EPYC: variants seen among roughly 807,000 people sequenced by gnomAD.
EPYC encodes epiphycan.
A neutral mutation model predicts 30.1 loss-of-function variants in EPYC; 28 were observed. The ratio of observed to expected loss-of-function variants is 0.93; its 90% confidence interval spans 0.69 to 1.28. EPYC has a LOEUF of 1.28. Among genes scored for constraint, EPYC ranks in the 50% most tolerant of loss-of-function variants. The pLI, the probability that EPYC is intolerant of heterozygous loss-of-function variation, is 0.00. For synonymous variants in EPYC, 144 were observed against 141.4 expected (o/e 1.02, Z -0.13); for missense variants, 382 against 383.5 (o/e 1.00, Z 0.03).
intron 2 of EPYC, among the ~76,000 whole-genome samples, chr12:90,995,501 C>T (rs1010204115): frequency 1.3e-5 from 2 of 151,904 alleles, no homozygotes; most frequent in African/African-American, 2.4e-5. Context: ...AGTCTCTCTC[C>T]TTTAGCATTA....
intron 1 of EPYC, among the ~76,000 whole-genome samples, chr12:91,003,714 A>G (rs1565877785): frequency 6.6e-6 from 1 of 152,070 alleles, no homozygotes; most frequent in Admixed American, 6.6e-5. Context: ...AGAGGCTTTT[A>G]CATTTGGACA....
intron 2 of EPYC, among the ~76,000 whole-genome samples, chr12:90,987,901 G>A (rs1877490797): frequency 6.6e-6 from 1 of 152,018 alleles, no homozygotes; most frequent in Non-Finnish European, 1.5e-5. Flanking sequence ...TTTCTCTATA[G>A]CCTCTTTATC....
intron 2 of EPYC, among the ~76,000 whole-genome samples, chr12:90,979,503 T>C (rs1328555539): frequency 1.1e-4 from 17 of 152,204 alleles, no homozygotes; most frequent in Admixed American, 1.1e-3. Context: ...CAAAAAATTT[T>C]AGGAATACAC....
At chr12:90,972,770 A>T (rs1467881516) in intron 4 of EPYC, 52 bp downstream of exon 4, 1 of 1,468,894 alleles carries the variant, frequency 6.8e-7, no homozygotes, top group Non-Finnish European at 9.2e-7. Flanking sequence ...CAATGTAAAA[A>T]TTTAAAGGAA....
At chr12:90,976,842 G>C (rs1877195020) in intron 3 of EPYC, among the ~76,000 whole-genome samples, 1 of 152,062 alleles carries the variant, frequency 6.6e-6, no homozygotes, top group African/African-American at 2.4e-5. Context: ...CATGAGATCT[G>C]ATGGTTTTAT....
chr12:90,975,420 A>G (rs1279796649), intron 3 of EPYC, among the ~76,000 whole-genome samples: 1 of 152,018 alleles, frequency 6.6e-6, no homozygotes, highest in Non-Finnish European at 1.5e-5. Flanking sequence ...AAAATATGGT[A>G]TTTTTATTTT....
intron 2 of EPYC, among the ~76,000 whole-genome samples, chr12:90,983,997 A>C (rs1877386406): frequency 6.6e-6 from 1 of 152,080 alleles, no homozygotes; most frequent in Admixed American, 6.6e-5. Flanking sequence ...CTCAGAAATG[A>C]TATCCTTCCT....
intron 3 of EPYC, among the ~76,000 whole-genome samples, chr12:90,975,674 A>G (rs1023010724): frequency 3.9e-5 from 6 of 152,114 alleles, no homozygotes; most frequent in African/African-American, 1.4e-4. Context: ...TGAGAGATCC[A>G]ACATACAGGT....
rs566432962 is a variant in EPYC, at chr12:90,967,849, A to T, written c.798+2195T>A. Reference sequence around the variant, plus strand: ...AGCCAGGCATGATGGTTCACACCTAAAGTTCTAGCTACTTGGGAGACTAGG... The same window carrying T: ...AGCCAGGCATGATGGTTCACACCTATAGTTCTAGCTACTTGGGAGACTAGG... On this transcript the variant is annotated intron_variant, in intron 6 of 6. Coordinates refer to ENST00000261172, the MANE Select transcript of EPYC (RefSeq NM_004950.5). Among the ~76,000 whole-genome samples, 416 of 152,192 alleles carry T rather than the reference A, an allele frequency of 2.7e-3. 8 individuals carry two copies. The East Asian group carries it at 0.067, about 24-fold the overall frequency.
chr12:90,963,928 T>G lies in EPYC; in HGVS notation c.*228A>C. On this transcript the variant is annotated 3_prime_UTR_variant, in exon 7 of 7. Transcript: ENST00000261172. Reference sequence around the variant, plus strand: ...ATAAGAACATGTGTGAAATATTTTCTATCACTTAGTTTTGCTCTTTTTGTA... The same window carrying G: ...ATAAGAACATGTGTGAAATATTTTCGATCACTTAGTTTTGCTCTTTTTGTA... 1 of 349,712 alleles carries G rather than the reference T, an allele frequency of 2.9e-6. No homozygotes were observed. Among genetic ancestry groups the G allele is most frequent in the Non-Finnish European group, 5.2e-6 (1 of 193,426 alleles). The allele number at this position is 349,712 out of a possible 1,614,324, so 21.7% of individuals were successfully genotyped here.
At chr12:90,984,207 C>A (rs1047665335) in intron 2 of EPYC, among the ~76,000 whole-genome samples, 4 of 152,112 alleles carry the variant, frequency 2.6e-5, no homozygotes, top group African/African-American at 9.7e-5. Context: ...ACCACTAAAT[C>A]TGACCTTCCT....
At chr12:90,971,686 A>ATAAATAAAT (rs1877048475) in intron 5 of EPYC, 114 bp downstream of exon 5, 1 of 325,506 alleles carries the variant, frequency 3.1e-6, no homozygotes, top group Admixed American at 5.1e-5. Context: ...AAATAAATAA[A>ATAAATAAAT]TAAATAAATA....
intron 2 of EPYC, among the ~76,000 whole-genome samples, chr12:91,001,119 T>A (rs1006180685): frequency 2.0e-5 from 3 of 151,252 alleles, no homozygotes; most frequent in African/African-American, 4.9e-5. Context: ...GAAATGAGGG[T>A]CAAAAGAGGG....
At chr12:90,973,156 C>G (rs1048875376) in intron 3 of EPYC, among the ~76,000 whole-genome samples, 176 bp from the exon 4 acceptor site, 3 of 151,998 alleles carry the variant, frequency 2.0e-5, no homozygotes, top group Non-Finnish European at 1.5e-5. Flanking sequence ...TTAAAATTGT[C>G]TCAACAATTA....
At chr12:90,968,198 C>T (rs2120795004) in intron 6 of EPYC, among the ~76,000 whole-genome samples, 1 of 152,246 alleles carries the variant, frequency 6.6e-6, no homozygotes, top group Non-Finnish European at 1.5e-5. Flanking sequence ...TGCCTATTAA[C>T]TCTGCTATTC....
intron 2 of EPYC, among the ~76,000 whole-genome samples, chr12:90,980,850 T>A (rs1877308484): frequency 6.6e-6 from 1 of 152,172 alleles, no homozygotes; most frequent in Non-Finnish European, 1.5e-5. Flanking sequence ...CTGAATTAAC[T>A]TTTAAATCTG....
intron 6 of EPYC, among the ~76,000 whole-genome samples, chr12:90,965,220 T>A (rs1876865526): frequency 1.3e-5 from 2 of 152,232 alleles, no homozygotes; most frequent in Non-Finnish European, 2.9e-5. Flanking sequence ...ACTATTTCAC[T>A]GTATTGATAT....
At chr12:91,003,569 T>C (rs1239333355) in intron 1 of EPYC, among the ~76,000 whole-genome samples, 1 of 152,130 alleles carries the variant, frequency 6.6e-6, no homozygotes, top group African/African-American at 2.4e-5. Context: ...CTCATTTGAA[T>C]ACATTTTGGT....
At chr12:90,999,122 C>T (rs1565876730) in intron 2 of EPYC, among the ~76,000 whole-genome samples, 1 of 152,000 alleles carries the variant, frequency 6.6e-6, no homozygotes, top group Non-Finnish European at 1.5e-5. Flanking sequence ...TTTAGGTGGT[C>T]TCCCTTTCTT....
Sources: gnomAD v4.1 joint callset for allele counts (sites outside exome capture counted in the v4.1 genomes callset) on GRCh38, gnomAD v4.1.1 for gene constraint, MANE v1.5 for transcripts, NCBI Gene and HGNC (gene_info 2026-07-23, HGNC 2026-07-21) for gene names.